Variants in TMEM131 observed in about 807,000 individuals in gnomAD.
TMEM131 encodes 2610524E03Rik.
A neutral mutation model predicts 211.6 loss-of-function variants in TMEM131; 66 were observed. The observed-to-expected ratio is 0.31, with a 90% CI of 0.26 to 0.38. The LOEUF (loss-of-function observed/expected upper bound fraction) is 0.38, where lower values mean the gene tolerates loss of function less well. Ranked by LOEUF, TMEM131 falls within the 10% of genes least tolerant of loss-of-function variation. The pLI is 1.00. For synonymous variants in TMEM131, 844 were observed against 841.3 expected, an observed-to-expected ratio of 1.00 and a Z score of -0.06; for missense variants, 2,036 against 2,299.3, an observed-to-expected ratio of 0.89 and a Z score of 2.34.
intron 4 of TMEM131, among the ~76,000 whole-genome samples, chr2:97,863,847 C>T (rs1674161815): frequency 6.6e-6 from 1 of 152,122 alleles, no homozygotes; most frequent in South Asian, 2.1e-4. Flanking sequence ...GTAGAGCTAC[C>T]ATACAATCCA....
chr2:97,816,256 G>C (rs538736707), intron 12 of TMEM131, among the ~76,000 whole-genome samples: 2 of 152,096 alleles, frequency 1.3e-5, no homozygotes, highest in Non-Finnish European at 2.9e-5. Context: ...CAGGAGAATC[G>C]CTTGAGCCTG....
intron 35 of TMEM131, among the ~76,000 whole-genome samples, chr2:97,765,872 G>GAA (rs373204097): frequency 4.2e-5 from 6 of 143,978 alleles, no homozygotes; most frequent in Admixed American, 1.4e-4. Context: ...CCAGCTCCCT[G>GAA]AAAAAAAAAA....
chr2:97,948,247 CA>C (rs1678137201), intron 1 of TMEM131, among the ~76,000 whole-genome samples: 1 of 151,392 alleles, frequency 6.6e-6, no homozygotes, highest in African/African-American at 2.4e-5. Context: ...GACACTGTTA[CA>C]AAAGTAAAAA....
At chr2:97,949,015 G>A (rs1028290861) in intron 1 of TMEM131, among the ~76,000 whole-genome samples, 3 of 152,116 alleles carry the variant, frequency 2.0e-5, no homozygotes, top group African/African-American at 7.2e-5. Flanking sequence ...CTAGGTATTT[G>A]CCCAACTGAA....
At chr2:97,988,814 G>A (rs1323684012) in intron 1 of TMEM131, among the ~76,000 whole-genome samples, 2 of 152,224 alleles carry the variant, frequency 1.3e-5, no homozygotes, top group Non-Finnish European at 2.9e-5. Flanking sequence ...TTATTCACGG[G>A]ATTCTGAGAT....
Position 97,841,803 on chromosome 2 carries a change from T to C in TMEM131, c.723+12A>G. ...AAATGAAGCTTATTCAAAATTACCA[T>C]CATAAACTCACCTGTAAAGGCTCAC... On this transcript the variant is annotated intron_variant, in intron 7 of 40. Transcript: ENST00000186436. The C allele has an allele frequency of 6.4e-7, 1 of 1,567,958 alleles. No homozygotes were observed.
chr2:97,758,104 C>T (rs34654057), intron 40 of TMEM131, among the ~76,000 whole-genome samples: 42,261 of 150,964 alleles, frequency 0.28, 7,830 homozygotes, highest in Non-Finnish European at 0.39. Context: ...TGCACTCCAG[C>T]CTGGGCTACA....
intron 11 of TMEM131, among the ~76,000 whole-genome samples, chr2:97,824,664 T>C (rs1420007046): frequency 1.3e-5 from 2 of 152,202 alleles, no homozygotes; most frequent in East Asian, 1.9e-4. Flanking sequence ...CTGAAGTCTC[T>C]GCATTGGAAG....
At position 97,762,084 on chromosome 2, in the gene TMEM131, A is replaced by T. The variant is rs1474587960; in HGVS notation, c.4840T>A (p.Phe1614Ile). The T allele has an allele frequency of 6.2e-7, 1 of 1,604,906 alleles. No homozygotes were observed. The stretch of plus-strand genomic sequence containing the variant: ...CTGCTGTAGCTGCCCCGGGCCACAA[A>T]GGGGCAGGGGGCAGCTGGGGGAGAC... ...SPSPPAAPCPFVARGSYSSIV... is the reference protein window; with the variant it reads ...SPSPPAAPCPIVARGSYSSIV... The change falls in exon 36 of 41, where the codon TTT becomes ATT. Residue 1614 changes from phenylalanine to isoleucine, a missense_variant. Physicochemically the swap from Phe to Ile is conservative, Grantham distance 21 (BLOSUM62 0). Around this residue, in one of 3 missense-constraint regions of TMEM131, gnomAD observed 1,623 missense variants for 1,805.9 expected, o/e 0.90. Coordinates refer to ENST00000186436, the MANE Select transcript of TMEM131 (RefSeq NM_015348.2).
intron 1 of TMEM131, among the ~76,000 whole-genome samples, chr2:97,983,838 A>C (rs1174045724): frequency 6.6e-6 from 1 of 152,208 alleles, no homozygotes; most frequent in Non-Finnish European, 1.5e-5. Context: ...GTCTCAAGCA[A>C]TAACAGGAGT....
intron 17 of TMEM131, among the ~76,000 whole-genome samples, chr2:97,812,037 G>GT (rs1253039943): frequency 1.3e-5 from 2 of 152,140 alleles, no homozygotes; most frequent in Non-Finnish European, 2.9e-5. Context: ...CTGGACAGAC[G>GT]TATTATTGCA....
At chr2:97,824,177 C>T (rs1219404139) in intron 11 of TMEM131, among the ~76,000 whole-genome samples, 1 of 152,210 alleles carries the variant, frequency 6.6e-6, no homozygotes, top group African/African-American at 2.4e-5. Flanking sequence ...CACCCATGTC[C>T]ACTATGCTGA....
chr2:97,964,689 A>G (rs1243836557), intron 1 of TMEM131, among the ~76,000 whole-genome samples: 5 of 152,234 alleles, frequency 3.3e-5, no homozygotes, highest in Admixed American at 1.3e-4. Context: ...ATGTCTAACC[A>G]TATCTCCTAA....
intron 31 of TMEM131, among the ~76,000 whole-genome samples, chr2:97,782,362 C>T (rs1680051589): frequency 6.6e-6 from 1 of 152,220 alleles, no homozygotes; most frequent in South Asian, 2.1e-4. Context: ...TCTGCCAGAG[C>T]AGTCAGAGAA....
intron 1 of TMEM131, among the ~76,000 whole-genome samples, chr2:97,979,297 G>A (rs1679683743): frequency 6.6e-6 from 1 of 152,176 alleles, no homozygotes; most frequent in Non-Finnish European, 1.5e-5. Flanking sequence ...AAAGTTACCA[G>A]CTTCATTAGT....
chr2:97,763,632 C>A (rs1223797164), intron 35 of TMEM131: 1 of 152,570 alleles, frequency 6.6e-6, no homozygotes, highest in Non-Finnish European at 1.5e-5. Flanking sequence ...ACTGTCCTGA[C>A]CCTTCCCTAG....
intron 3 of TMEM131, among the ~76,000 whole-genome samples, chr2:97,901,117 A>G (rs1675835285): frequency 6.6e-6 from 1 of 152,222 alleles, no homozygotes; most frequent in South Asian, 2.1e-4. Context: ...GAAAATACAT[A>G]CACAAGAGAT....
intron 11 of TMEM131, among the ~76,000 whole-genome samples, chr2:97,831,969 ATTTTTGCATT>A (rs1682713133): frequency 9.7e-6 from 1 of 103,586 alleles, no homozygotes; most frequent in Non-Finnish European, 1.8e-5. Context: ...TGCCTGGCCT[ATTTTTGCATT>A]TTTTATAGTT....
chr2:97,910,672 A>T (rs1559441664), intron 2 of TMEM131, among the ~76,000 whole-genome samples: 1 of 152,098 alleles, frequency 6.6e-6, no homozygotes, highest in East Asian at 1.9e-4. Context: ...CCGGTGTGAG[A>T]TGGTATCTCA....
Sources: gnomAD v4.1 joint callset for allele counts (sites outside exome capture counted in the v4.1 genomes callset) on GRCh38, gnomAD v4.1.1 for gene constraint, gnomAD v4.1.1 regional missense constraint, MANE v1.5 for transcripts, NCBI Gene and HGNC (gene_info 2026-07-23, HGNC 2026-07-21) for gene names.